BBX: variants seen among roughly 807,000 people sequenced by gnomAD.
The protein encoded by BBX is HMG box transcription factor BBX.
A neutral mutation model predicts 100.2 loss-of-function variants in BBX; 30 were observed. The observed-to-expected ratio is 0.30, with a 90% CI of 0.22 to 0.41. BBX has a LOEUF of 0.41. Ranked by LOEUF, BBX falls within the 10% of genes least tolerant of loss-of-function variation. The pLI, the probability that BBX is intolerant of heterozygous loss-of-function variation, is 1.00. For missense variants in BBX, 1,023 were observed against 1,129.8 expected (o/e 0.91, Z 1.35); for synonymous variants, 376 against 388.1 (o/e 0.97, Z 0.37).
At chr3:107,596,980 AC>A (rs1363530205) in intron 2 of BBX, among the ~76,000 whole-genome samples, 1 of 152,172 alleles carries the variant, frequency 6.6e-6, no homozygotes, top group African/African-American at 2.4e-5. Flanking sequence ...TGGCCTTTAA[AC>A]TTTTTTACTC....
chr3:107,743,931 T>G (rs2064343076), intron 7 of BBX, among the ~76,000 whole-genome samples: 1 of 148,630 alleles, frequency 6.7e-6, no homozygotes, highest in East Asian at 1.9e-4. Context: ...TTTTTTTTTT[T>G]TTTTTTTTTT....
chr3:107,554,674 G>A (rs1015829306), intron 2 of BBX, among the ~76,000 whole-genome samples: 5 of 152,196 alleles, frequency 3.3e-5, no homozygotes, highest in African/African-American at 9.7e-5. Flanking sequence ...TTTCTAGAAA[G>A]ATCATGCAAT....
At chr3:107,776,945 C>T (rs367667959) in intron 12 of BBX, among the ~76,000 whole-genome samples, 49 of 152,154 alleles carry the variant, frequency 3.2e-4, no homozygotes, top group Non-Finnish European at 4.1e-4. Flanking sequence ...CACCTCCACC[C>T]GTTACCCTTT....
At chr3:107,793,384 T>C (rs1485049884) in intron 15 of BBX, among the ~76,000 whole-genome samples, 2 of 152,178 alleles carry the variant, frequency 1.3e-5, no homozygotes, top group African/African-American at 4.8e-5. Flanking sequence ...TGCATGTCCA[T>C]TGTTTAGTGT....
At chr3:107,571,053 C>T (rs1007023355) in intron 2 of BBX, among the ~76,000 whole-genome samples, 12 of 152,106 alleles carry the variant, frequency 7.9e-5, no homozygotes, top group Admixed American at 5.2e-4. Flanking sequence ...GAAAATAAGA[C>T]GCTTAGGTTT....
At chr3:107,590,177 T>C (rs1274500537) in intron 2 of BBX, among the ~76,000 whole-genome samples, 1 of 152,190 alleles carries the variant, frequency 6.6e-6, no homozygotes, top group Non-Finnish European at 1.5e-5. Flanking sequence ...GTATAAAGAT[T>C]TTATAAAATA....
rs1576333899 is a variant in BBX at position 107,686,546 on chromosome 3, G to A, written c.-9-23906G>A. On this transcript the variant is annotated intron_variant, in intron 3 of 17. Transcript: ENST00000325805. The stretch of plus-strand genomic sequence containing the variant: ...TTGAAATAGTGACAGTAGTTGTCTG[G>A]ACTTTGCAGTATCAATAATTTAGCA... 2.0e-5 allele frequency among the ~76,000 whole-genome samples: 3 copies of A among 152,066 alleles called. No homozygotes were observed. The South Asian group carries it at 6.2e-4, about 31-fold the overall frequency.
chr3:107,740,273 C>A (rs1037445400), intron 7 of BBX, among the ~76,000 whole-genome samples: 9 of 151,970 alleles, frequency 5.9e-5, no homozygotes, highest in Admixed American at 6.6e-5. Context: ...TCACTGCCTC[C>A]TTCCAAACCT....
rs149971229 is a variant in BBX, at chr3:107,797,757, A to G, written c.2354-766A>G. 7.3e-3 allele frequency among the ~76,000 whole-genome samples: 1,114 copies of G among 152,308 alleles called. 12 individuals carry two copies. The highest frequency in any genetic ancestry group is 0.025 in the African/African-American group (1,055 of 41,572). On this transcript the variant is annotated intron_variant, in intron 15 of 17. Transcript: ENST00000325805. ...AAACCAGGAGAAAAGTCTGTGGTAC[A>G]GGTGTCTTCCTTGCTCTTGACAGAG... is the stretch of plus-strand genomic sequence containing the variant.
intron 2 of BBX, among the ~76,000 whole-genome samples, chr3:107,536,853 A>G (rs910506806): frequency 6.6e-6 from 1 of 152,314 alleles, no homozygotes; most frequent in Admixed American, 6.5e-5. Flanking sequence ...AGGCTAGTCA[A>G]TGTAAATATC....
At chr3:107,558,040 T>G (rs1017792139) in intron 2 of BBX, among the ~76,000 whole-genome samples, 3 of 152,192 alleles carry the variant, frequency 2.0e-5, no homozygotes, top group Admixed American at 1.3e-4. Flanking sequence ...GTTTAATAAG[T>G]CTTCCAGGTG....
chr3:107,653,604 C>T (rs572595056), intron 3 of BBX, among the ~76,000 whole-genome samples: 165 of 152,308 alleles, frequency 1.1e-3, no homozygotes, highest in Middle Eastern at 6.8e-3. Context: ...TGTTCTGTCT[C>T]TGCTGTGGCT....
chr3:107,631,072 A>G (rs1559894851), intron 2 of BBX, among the ~76,000 whole-genome samples: 1 of 152,178 alleles, frequency 6.6e-6, no homozygotes, highest in Non-Finnish European at 1.5e-5. Flanking sequence ...TTCATTAATT[A>G]TAACACCCCA....
intron 10 of BBX, among the ~76,000 whole-genome samples, chr3:107,767,399 A>G (rs2066482251): frequency 6.6e-6 from 1 of 152,002 alleles, no homozygotes; most frequent in African/African-American, 2.4e-5. Context: ...AAAAGGAGAA[A>G]AGCTAGAATA....
chr3:107,744,485 T>C, intron 7 of BBX, 145 bp from the exon 8 acceptor site: 3 of 629,180 alleles, frequency 4.8e-6, no homozygotes, highest in Non-Finnish European at 2.7e-6. Context: ...AGGAAATGTA[T>C]ATCCTGAGAA....
At chr3:107,671,765 T>C (rs917003870) in intron 3 of BBX, among the ~76,000 whole-genome samples, 4 of 152,104 alleles carry the variant, frequency 2.6e-5, no homozygotes, top group South Asian at 2.1e-4. Context: ...GCTGTAAATA[T>C]GTAGGGAGCA....
chr3:107,592,942 G>T (rs542372812), intron 2 of BBX, among the ~76,000 whole-genome samples: 1 of 152,238 alleles, frequency 6.6e-6, no homozygotes, highest in East Asian at 1.9e-4. Flanking sequence ...CTATACAGAA[G>T]TAAAGAATTA....
intron 2 of BBX, among the ~76,000 whole-genome samples, chr3:107,551,240 A>G (rs2107425122): frequency 1.3e-5 from 2 of 152,322 alleles, no homozygotes; most frequent in South Asian, 4.1e-4. Context: ...GGAGAGAGGA[A>G]ATACAGAAGT....
chr3:107,726,327 A>G (rs190683857), intron 5 of BBX, among the ~76,000 whole-genome samples: 2 of 151,956 alleles, frequency 1.3e-5, no homozygotes, highest in Non-Finnish European at 2.9e-5. Context: ...CTTGATGCTC[A>G]TATACTGCTT....
Sources: gnomAD v4.1 joint callset for allele counts (sites outside exome capture counted in the v4.1 genomes callset) on GRCh38, gnomAD v4.1.1 for gene constraint, MANE v1.5 for transcripts, NCBI Gene and HGNC (gene_info 2026-07-23, HGNC 2026-07-21) for gene names.